The following SOX6 variants were observed in gnomAD, a reference collection of about 807,000 sequenced individuals.
SOX6 encodes the protein transcription factor SOX-6.
A neutral mutation model predicts 97.8 loss-of-function variants in SOX6; 11 were observed. The ratio of observed to expected loss-of-function variants is 0.11; its 90% confidence interval spans 0.07 to 0.19. The LOEUF is 0.19. Among genes scored for constraint, SOX6 ranks in the 10% least tolerant of loss-of-function variants. SOX6 has a pLI of 1.00. For missense variants in SOX6, 810 were observed against 1,039.5 expected (o/e 0.78, Z 3.04); for synonymous variants, 360 against 371.4 (o/e 0.97, Z 0.35).
chr11:16,249,919 T>TA (rs1277867852), intron 3 of SOX6, among the ~76,000 whole-genome samples: 1 of 152,236 alleles, frequency 6.6e-6, no homozygotes, highest in Non-Finnish European at 1.5e-5. Flanking sequence ...AGTAGAATAT[T>TA]ACTTTTTAAA....
chr11:16,717,276 T>C (rs543446829), intron 2 of SOX6, among the ~76,000 whole-genome samples: 9 of 152,242 alleles, frequency 5.9e-5, no homozygotes, highest in African/African-American at 1.9e-4. Context: ...TGTGAGAAGT[T>C]AGGTGACTTG....
chr11:16,097,596 T>C lies in SOX6; in HGVS notation c.978+13A>G, dbSNP rs754882233. 6.2e-7 allele frequency: 1 copy of C among 1,610,512 alleles called. No individual in the cohort carries two copies. The highest frequency in any genetic ancestry group is 8.5e-7 in the Non-Finnish European group (1 of 1,177,518). ...CTGGCTCATATCCCACATTTTTTTC[T>C]TCTGGCACTTACCTGGAGCTGTAAA... On this transcript the variant is annotated intron_variant, in intron 8 of 15. Transcript: ENST00000683767.
chr11:16,141,592 G>A (rs1379297929), intron 6 of SOX6, among the ~76,000 whole-genome samples: 3 of 152,118 alleles, frequency 2.0e-5, no homozygotes, highest in Admixed American at 1.3e-4. Context: ...AAGCGCAAGG[G>A]GTCAGGGAAT....
chr11:16,702,938 C>T (rs1287520882), intron 3 of SOX6, among the ~76,000 whole-genome samples: 1 of 148,408 alleles, frequency 6.7e-6, no homozygotes, highest in Non-Finnish European at 1.5e-5. Context: ...ATATAAAATC[C>T]TTCATATGTA....
At position 16,613,910 on chromosome 11, in the gene SOX6, T is replaced by C. The variant is rs1376115029; in HGVS notation, n.430-1650A>G. 2.0e-5 allele frequency among the ~76,000 whole-genome samples: 3 copies of C among 151,948 alleles called. No individual in the cohort carries two copies. In the East Asian group the frequency reaches 5.9e-4, roughly 30 times the overall value. ...CACTGGCCCAGCAGCCTTGGCGACC[T>C]CCCGGGACCGCCTGAAAGAGAAGCA... On this transcript the variant is annotated intron_variant and non_coding_transcript_variant, in intron 3 of 5. Coordinates refer to the SOX6 transcript ENST00000524520. The surrounding 1 kb of genome is among the most constrained non-coding windows in gnomAD (Gnocchi z 4.6).
intron 3 of SOX6, among the ~76,000 whole-genome samples, chr11:16,664,789 C>T (rs1335292952): frequency 6.6e-6 from 1 of 151,952 alleles, no homozygotes; most frequent in Non-Finnish European, 1.5e-5. Flanking sequence ...GGAAAGACTA[C>T]TTCCTTCTGC....
At chr11:16,056,011 T>C (rs968406007) in intron 9 of SOX6, 110 bp from the exon 10 acceptor site, 2 of 1,229,778 alleles carry the variant, frequency 1.6e-6, no homozygotes, top group African/African-American at 3.0e-5. Flanking sequence ...TTGTAATTTC[T>C]TTTTCACTAT....
intron 4 of SOX6, among the ~76,000 whole-genome samples, chr11:16,191,108 G>C (rs1851617944): frequency 6.6e-6 from 1 of 152,156 alleles, no homozygotes; most frequent in Non-Finnish European, 1.5e-5. Context: ...GTTAAGTTTT[G>C]TTAAGGATGG....
intron 1 of SOX6, among the ~76,000 whole-genome samples, chr11:16,463,654 C>G (rs1859975221): frequency 6.6e-6 from 1 of 152,178 alleles, no homozygotes; most frequent in African/African-American, 2.4e-5. Context: ...TGTCTATTCT[C>G]TCCCATTCTT....
intron 13 of SOX6, among the ~76,000 whole-genome samples, chr11:16,013,807 G>T (rs980732344): frequency 4.6e-5 from 7 of 151,890 alleles, no homozygotes; most frequent in African/African-American, 1.7e-4. Context: ...ATTCATCTCT[G>T]AGTCCTCATT....
intron 3 of SOX6, among the ~76,000 whole-genome samples, chr11:16,645,399 A>C (rs1848998240): frequency 6.6e-6 from 1 of 152,204 alleles, no homozygotes; most frequent in Non-Finnish European, 1.5e-5. Context: ...TATTACATGA[A>C]CATCCAATTT....
chr11:16,116,729 G>T (rs1226538251), intron 6 of SOX6, among the ~76,000 whole-genome samples: 1 of 152,184 alleles, frequency 6.6e-6, no homozygotes, highest in East Asian at 1.9e-4. Flanking sequence ...CCAGGTTGTG[G>T]CCTGTTAGGA....
chr11:16,186,210 T>C (rs1851470023), intron 5 of SOX6, among the ~76,000 whole-genome samples: 1 of 152,196 alleles, frequency 6.6e-6, no homozygotes, highest in Non-Finnish European at 1.5e-5. Flanking sequence ...ACCTATGCTA[T>C]AAATAGTGAC....
In SOX6 at chr11:15,968,531, G is replaced by A. The variant is rs1055806265; in HGVS notation, c.*4278C>T. The stretch of plus-strand genomic sequence containing the variant: ...TGACCAGGCTGCCTTCCTACTGAGG[G>A]TAAATGGGCTTTCCTGAAACAATCC... On this transcript the variant is annotated 3_prime_UTR_variant, in exon 16 of 16. Transcript: ENST00000683767. The A allele has an allele frequency of 6.6e-6, 1 of 152,220 alleles. No individual in the cohort carries two copies. The highest frequency in any genetic ancestry group is 6.5e-5 in the Admixed American group (1 of 15,280). 9.4% of individuals were successfully genotyped at this position (152,220 alleles called of 1,614,324 possible).
intron 1 of SOX6, among the ~76,000 whole-genome samples, chr11:16,431,537 A>C (rs1457873918): frequency 6.6e-6 from 1 of 152,178 alleles, no homozygotes; most frequent in African/African-American, 2.4e-5. Flanking sequence ...ACTATAATTA[A>C]GACGATACAT....
intron 11 of SOX6, among the ~76,000 whole-genome samples, chr11:16,047,701 CGTGTGTGT>C (rs68008241): frequency 0.053 from 7,788 of 145,980 alleles, 459 homozygotes; most frequent in East Asian, 0.3. Flanking sequence ...CATTTCATAG[CGTGTGTGT>C]GTGTGTGTGT....
intron 1 of SOX6, among the ~76,000 whole-genome samples, chr11:16,361,616 C>T (rs1464834088): frequency 6.6e-6 from 1 of 152,114 alleles, no homozygotes; most frequent in Non-Finnish European, 1.5e-5. Context: ...AGTGAGCAAC[C>T]ATTGTTAAGC....
rs1363754099 is a variant in SOX6 at position 16,516,029 on chromosome 11, G to A, written n.610-39641C>T. 1.2e-4 allele frequency among the ~76,000 whole-genome samples: 18 copies of A among 151,836 alleles called. No individual in the cohort carries two copies. In the East Asian group the frequency reaches 2.9e-3, roughly 25 times the overall value. ...TGGCTTTGGATTGACTTGGCAATGCGGGCTCTTTTTTGGTTCCATATGAAC... is the reference window on the plus strand; with the variant it reads ...TGGCTTTGGATTGACTTGGCAATGCAGGCTCTTTTTTGGTTCCATATGAAC... On this transcript the variant is annotated intron_variant and non_coding_transcript_variant, in intron 4 of 5. Coordinates refer to the SOX6 transcript ENST00000524520.
At chr11:16,331,345 C>CTGT (rs1856290993) in intron 2 of SOX6, among the ~76,000 whole-genome samples, 1 of 152,136 alleles carries the variant, frequency 6.6e-6, no homozygotes, top group Non-Finnish European at 1.5e-5. Flanking sequence ...AGATGCAACT[C>CTGT]TGTTGACAGT....
Sources: gnomAD v4.1 joint callset for allele counts (sites outside exome capture counted in the v4.1 genomes callset) on GRCh38, gnomAD v4.1.1 for gene constraint, Gnocchi (gnomAD v3.1) non-coding constraint, MANE v1.5 for transcripts, NCBI Gene and HGNC (gene_info 2026-07-23, HGNC 2026-07-21) for gene names.